The following KRABD3 variants were observed in gnomAD, a reference collection of about 807,000 sequenced individuals.
KRABD3 encodes KRAB domain containing 3.
chr7:149,727,861 C>T, the KRABD3 span, among the ~76,000 whole-genome samples: 1 of 152,142 alleles, frequency 6.6e-6, no homozygotes, highest in Non-Finnish European at 1.5e-5. Flanking sequence ...AAGGGCTGGT[C>T]TCTGCCCTTC....
the KRABD3 span, chr7:149,730,143 C>A: frequency 1.3e-6 from 2 of 1,504,616 alleles, no homozygotes; most frequent in Non-Finnish European, 1.8e-6. Context: ...GGTCCCCTGC[C>A]CAGGGTCTGC....
At chr7:149,731,812 GC>G in the KRABD3 span, 1 of 1,510,922 alleles carries the variant, frequency 6.6e-7, no homozygotes. Context: ...CTCTGCACGG[GC>G]CAGGACCCAG....
the KRABD3 span, chr7:149,725,601 T>G: frequency 8.7e-7 from 1 of 1,153,084 alleles, no homozygotes; most frequent in Non-Finnish European, 1.2e-6. Flanking sequence ...ACAGGCCCGT[T>G]CCCCCAGGCT....
At chr7:149,720,938 C>G in the KRABD3 span, 1 of 1,613,680 alleles carries the variant, frequency 6.2e-7, no homozygotes, top group Non-Finnish European at 8.5e-7. Context: ...TGGACAGCCC[C>G]GAGAGCGAGA....
the KRABD3 span, chr7:149,729,900 C>G: frequency 2.9e-3 from 3,682 of 1,258,644 alleles, 82 homozygotes; most frequent in African/African-American, 0.043. Context: ...CTAATGGCTT[C>G]CAAGGACTGG....
the KRABD3 span, among the ~76,000 whole-genome samples, chr7:149,717,317 G>A: frequency 0.029 from 4,404 of 152,288 alleles, 223 homozygotes; most frequent in African/African-American, 0.1. Flanking sequence ...ATCATTTAGG[G>A]AATGGTGGGA....
chr7:149,730,116 A>C, the KRABD3 span: 1 of 1,463,904 alleles, frequency 6.8e-7, no homozygotes, highest in Non-Finnish European at 9.1e-7. Flanking sequence ...CTTCAGGCTG[A>C]TGACAGAGCA....
At chr7:149,723,717 T>C in the KRABD3 span, 2 of 1,531,536 alleles carry the variant, frequency 1.3e-6, no homozygotes, top group African/African-American at 2.3e-5. Flanking sequence ...GGTGAAAACA[T>C]GTTCCTTTTT....
At chr7:149,730,432 G>A in the KRABD3 span, 1 of 1,591,146 alleles carries the variant, frequency 6.3e-7, no homozygotes, top group Non-Finnish European at 8.6e-7. Flanking sequence ...CGTTAGAGAG[G>A]GACCGCCTTC....
At chr7:149,733,573 C>T in the KRABD3 span, 2 of 1,600,128 alleles carry the variant, frequency 1.2e-6, no homozygotes, top group Admixed American at 1.7e-5. Flanking sequence ...GACATCTGCC[C>T]TACTGGAGGC....
the KRABD3 span, chr7:149,729,449 G>C: frequency 7.7e-7 from 1 of 1,294,816 alleles, no homozygotes. Context: ...TTCCCTCTCT[G>C]TCCCTCTGTT....
At chr7:149,733,952 A>G in the KRABD3 span, 9 of 1,601,940 alleles carry the variant, frequency 5.6e-6, no homozygotes, top group Non-Finnish European at 7.7e-6. Flanking sequence ...AGAGCGGCCC[A>G]AGGAGCCGAG....
chr7:149,715,298 T>G, the KRABD3 span: 1 of 1,219,362 alleles, frequency 8.2e-7, no homozygotes, highest in Admixed American at 4.3e-5. Context: ...TTGGCGTGGC[T>G]TGTTTCGTTA....
At chr7:149,729,318 G>T in the KRABD3 span, 24 of 1,598,316 alleles carry the variant, frequency 1.5e-5, no homozygotes, top group African/African-American at 2.4e-4. Context: ...ACCAGCGGGG[G>T]TTCAAAGACC....
chr7:149,722,739 C>T, the KRABD3 span: 40 of 1,558,110 alleles, frequency 2.6e-5, no homozygotes, highest in East Asian at 9.0e-5. Flanking sequence ...CCCGGTGTCC[C>T]GTCAGGACTG....
At chr7:149,715,238 G>C in the KRABD3 span, 2 of 1,217,302 alleles carry the variant, frequency 1.6e-6, no homozygotes, top group Middle Eastern at 3.2e-4. Flanking sequence ...CCTCTCTCCA[G>C]CTCTCCGCCG....
the KRABD3 span, chr7:149,722,978 T>C: frequency 1.3e-6 from 2 of 1,530,468 alleles, no homozygotes; most frequent in Non-Finnish European, 1.8e-6. Context: ...GGCCTCAGGC[T>C]GAGGTCTCTG....
At chr7:149,731,070 C>G in the KRABD3 span, among the ~76,000 whole-genome samples, 1 of 152,242 alleles carries the variant, frequency 6.6e-6, no homozygotes, top group South Asian at 2.1e-4. Flanking sequence ...GGAGACAGGT[C>G]CCAGTTGCCT....
the KRABD3 span, chr7:149,721,234 C>T: frequency 2.7e-6 from 3 of 1,096,752 alleles, no homozygotes; most frequent in South Asian, 3.3e-5. Context: ...CCACCATGGC[C>T]CCATTCAGAG....
Sources: gnomAD v4.1 joint callset for allele counts (sites outside exome capture counted in the v4.1 genomes callset) on GRCh38, gnomAD v4.1.1 for gene constraint, MANE v1.5 for transcripts, NCBI Gene and HGNC (gene_info 2026-07-23, HGNC 2026-07-21) for gene names.